SLC16A10: variants seen among roughly 807,000 people sequenced by gnomAD.
SLC16A10 encodes monocarboxylate transporter 10.
SLC16A10 carries 27 observed loss-of-function variants against 40.0 expected under a neutral mutation model. That is an observed-to-expected ratio of 0.67 (90% CI 0.50 to 0.93). The LOEUF (loss-of-function observed/expected upper bound fraction) is 0.93. Ranked by LOEUF, SLC16A10 falls within the 40% of genes least tolerant of loss-of-function variation. The pLI, the probability that SLC16A10 is intolerant of heterozygous loss-of-function variation, is 0.00. For missense variants in SLC16A10, 529 were observed against 658.2 expected, an observed-to-expected ratio of 0.80 and a Z score of 2.15; for synonymous variants, 213 against 249.8, an observed-to-expected ratio of 0.85 and a Z score of 1.39.
intron 1 of SLC16A10, among the ~76,000 whole-genome samples, chr6:111,089,946 T>TGA (rs1237400493): frequency 8.8e-5 from 11 of 124,658 alleles, no homozygotes; most frequent in East Asian, 2.1e-4. Context: ...TTTTTTTTTT[T>TGA]GAGAGAGAGA....
Position 111,087,905 on chromosome 6 carries a change from G to C in SLC16A10, c.153G>C (p.Ala51=). 6.3e-7 allele frequency: 1 copy of C among 1,579,992 alleles called. No individual in the cohort carries two copies. The highest frequency in any genetic ancestry group is 1.4e-5 in the African/African-American group (1 of 73,392). ...AAVEKVEVEL[A]GPATAEPHEP... ...TCGAGAAGGTGGAGGTGGAGCTGGC[G>C]GGGCCGGCGACCGCGGAGCCCCATG... Residue 51 remains alanine (A), a synonymous_variant, in exon 1 of 6, where the codon GCG becomes GCC. Transcript: ENST00000368851.
At chr6:111,195,827 A>G (rs354540) in intron 3 of SLC16A10, among the ~76,000 whole-genome samples, 116,439 of 152,042 alleles carry the variant, frequency 0.77, 45,390 homozygotes, top group Non-Finnish European at 0.85. Flanking sequence ...AGAGTACACA[A>G]GCCTTCCATT....
intron 2 of SLC16A10, 31 bp from the exon 3 acceptor site, chr6:111,177,181 G>C: frequency 7.2e-7 from 1 of 1,382,738 alleles, no homozygotes; most frequent in Admixed American, 2.5e-5. Context: ...AATATTGAAA[G>C]CTGCTTTCCA....
rs755473638 is a variant in SLC16A10, at chr6:111,139,092, C to CT, written c.344-33587dup. Among the ~76,000 whole-genome samples the CT allele has an allele frequency of 3.0e-3, 358 of 118,880 alleles. 1 individual carries two copies. Among genetic ancestry groups the CT allele is most frequent in the East Asian group, 5.8e-3 (24 of 4,160 alleles). The allele number at this position is 118,880 out of a possible 152,430, so 78.0% of individuals were successfully genotyped here. On this transcript the variant is annotated intron_variant, in intron 1 of 5. Transcript: ENST00000368851. ...GCTGGCTTTTTTTTTTCTTCTTCTTCTTTTTTTTTTTTTTTTACTGTGAAA... is the reference window on the plus strand; with the variant it reads ...GCTGGCTTTTTTTTTTCTTCTTCTTCTTTTTTTTTTTTTTTTTACTGTGAAA...
intron 1 of SLC16A10, among the ~76,000 whole-genome samples, chr6:111,150,498 G>A (rs1156835460): frequency 6.6e-6 from 1 of 152,174 alleles, no homozygotes; most frequent in Non-Finnish European, 1.5e-5. Context: ...ATCTGTGGCT[G>A]TATAATACCT....
At chr6:111,112,937 G>A (rs957277723) in intron 1 of SLC16A10, among the ~76,000 whole-genome samples, 4 of 152,136 alleles carry the variant, frequency 2.6e-5, no homozygotes, top group Non-Finnish European at 5.9e-5. Context: ...AGGAACTTTA[G>A]TTGCAGAATG....
At chr6:111,184,914 T>C (rs771127811) in intron 3 of SLC16A10, among the ~76,000 whole-genome samples, 5 of 152,228 alleles carry the variant, frequency 3.3e-5, no homozygotes, top group Admixed American at 2.0e-4. Flanking sequence ...CACTGGAATG[T>C]AGCTATTAGA....
chr6:111,207,111 A>AT (rs1287576074), intron 4 of SLC16A10, among the ~76,000 whole-genome samples: 1 of 152,238 alleles, frequency 6.6e-6, no homozygotes, highest in Non-Finnish European at 1.5e-5. Context: ...AAATTCTTCT[A>AT]TAAAAATGAG....
intron 1 of SLC16A10, among the ~76,000 whole-genome samples, chr6:111,130,107 G>GTA (rs1283093816): frequency 2.6e-5 from 4 of 152,164 alleles, no homozygotes; most frequent in South Asian, 4.1e-4. Context: ...TCATGTCAGA[G>GTA]TATGTAGTTT....
chr6:111,212,088 C>T (rs1773354523), intron 4 of SLC16A10, among the ~76,000 whole-genome samples: 2 of 152,176 alleles, frequency 1.3e-5, no homozygotes, highest in South Asian at 2.1e-4. Flanking sequence ...ATAGCCCTCC[C>T]GCATGGTCTA....
At chr6:111,173,901 G>A (rs1204119611) in intron 2 of SLC16A10, among the ~76,000 whole-genome samples, 1 of 152,000 alleles carries the variant, frequency 6.6e-6, no homozygotes, top group African/African-American at 2.4e-5. Flanking sequence ...CCCTCCCCCG[G>A]CACCATCCAT....
At position 111,229,529 on chromosome 6, in the gene SLC16A10, C is replaced by T. The variant is rs1033858062; in HGVS notation, c.*7294C>T. 4 of 152,092 alleles carry T rather than the reference C, an allele frequency of 2.6e-5. No individual in the cohort carries two copies. Among genetic ancestry groups the T allele is most frequent in the African/African-American group, 9.7e-5 (4 of 41,398 alleles). The allele number at this position is 152,092 out of a possible 1,614,324, so 9.4% of individuals were successfully genotyped here. The stretch of plus-strand genomic sequence containing the variant: ...ATATAATAGCTTCCTATTGAGCTGG[C>T]TTATGTAGACATTTGGACATTTGAA... On this transcript the variant is annotated 3_prime_UTR_variant, in exon 6 of 6. Transcript: ENST00000368851.
chr6:111,163,947 A>G (rs1383679630), intron 1 of SLC16A10, among the ~76,000 whole-genome samples: 2 of 152,206 alleles, frequency 1.3e-5, no homozygotes, highest in East Asian at 3.8e-4. Context: ...AATCTTAACC[A>G]GTTTGACCAT....
intron 1 of SLC16A10, among the ~76,000 whole-genome samples, chr6:111,101,434 G>A (rs1771186850): frequency 6.6e-6 from 1 of 152,072 alleles, no homozygotes. Flanking sequence ...GACACCCCTA[G>A]AAGAGTCCCA....
At chr6:111,172,893 GT>G in intron 2 of SLC16A10, 54 bp downstream of exon 2, 1 of 1,572,638 alleles carries the variant, frequency 6.4e-7, no homozygotes, top group Non-Finnish European at 8.7e-7. Flanking sequence ...ATACCTTAAA[GT>G]TTTACTTTCA....
intron 3 of SLC16A10, among the ~76,000 whole-genome samples, chr6:111,185,535 C>G (rs149591470): frequency 2.0e-5 from 3 of 152,288 alleles, no homozygotes; most frequent in African/African-American, 7.2e-5. Context: ...TCAGCCCCAA[C>G]TTCTCTTTTG....
chr6:111,187,946 G>A (rs1450091274), intron 3 of SLC16A10, among the ~76,000 whole-genome samples: 2 of 152,200 alleles, frequency 1.3e-5, no homozygotes, highest in Non-Finnish European at 2.9e-5. Context: ...ATGGGCTGCT[G>A]AAGGTGACCT....
intron 1 of SLC16A10, among the ~76,000 whole-genome samples, chr6:111,100,531 G>A (rs1378482024): frequency 6.6e-6 from 1 of 152,040 alleles, no homozygotes; most frequent in Non-Finnish European, 1.5e-5. Flanking sequence ...TAGGATTACA[G>A]GCATGCACCT....
intron 1 of SLC16A10, among the ~76,000 whole-genome samples, chr6:111,097,106 G>C (rs1771087891): frequency 6.6e-6 from 1 of 152,108 alleles, no homozygotes; most frequent in African/African-American, 2.4e-5. Flanking sequence ...ACAGGTTTGA[G>C]CCACTGTGCC....
Sources: gnomAD v4.1 joint callset for allele counts (sites outside exome capture counted in the v4.1 genomes callset) on GRCh38, gnomAD v4.1.1 for gene constraint, MANE v1.5 for transcripts, NCBI Gene and HGNC (gene_info 2026-07-23, HGNC 2026-07-21) for gene names.